Variants in PSME4 observed in about 807,000 individuals in gnomAD.
PSME4 encodes proteasome activator subunit 4, also known as proteasome activator complex subunit 4.
A neutral mutation model predicts 253.9 loss-of-function variants in PSME4; 89 were observed. The observed-to-expected ratio is 0.35, with a 90% CI of 0.30 to 0.42. The LOEUF (loss-of-function observed/expected upper bound fraction) is 0.42. Among genes scored for constraint, PSME4 ranks in the 10% least tolerant of loss-of-function variants. The pLI is 1.00. For synonymous variants in PSME4, 851 were observed against 759.2 expected (o/e 1.12, Z -1.99); for missense variants, 2,014 against 2,195.2 (o/e 0.92, Z 1.65).
intron 34 of PSME4, among the ~76,000 whole-genome samples, chr2:53,894,235 A>C (rs1680039966): frequency 1.3e-5 from 2 of 152,178 alleles, no homozygotes; most frequent in Admixed American, 6.5e-5. Context: ...TCAAGGACCA[A>C]GTACATAAAC....
At chr2:53,930,132 T>C in intron 10 of PSME4, among the ~76,000 whole-genome samples, 1 of 152,174 alleles carries the variant, frequency 6.6e-6, no homozygotes. Context: ...CATTGTATTG[T>C]CAATTTGGTC....
At position 53,919,171 on chromosome 2, in the gene PSME4, T is replaced by C; in HGVS notation, c.2496A>G (p.Lys832=). ...IGSGNLLPPL[K]GEPVTNLVPS... Reference sequence around the variant, plus strand: ...CTTACAAGTTAGTAACTGGCTCTCCTTTCAACGGAGGTAGGAGGTTTCCAG... The same window carrying C: ...CTTACAAGTTAGTAACTGGCTCTCCCTTCAACGGAGGTAGGAGGTTTCCAG... The change falls in exon 20 of 47, where the codon AAA becomes AAG. Residue 832 remains lysine (K), a synonymous_variant. Transcript: ENST00000404125. The C allele has an allele frequency of 6.2e-7, 1 of 1,612,722 alleles. No homozygotes were observed. Among genetic ancestry groups the C allele is most frequent in the Non-Finnish European group, 8.5e-7 (1 of 1,179,462 alleles).
chr2:53,944,062 T>C (rs536264234), intron 3 of PSME4, among the ~76,000 whole-genome samples: 1 of 152,182 alleles, frequency 6.6e-6, no homozygotes, highest in African/African-American at 2.4e-5. Flanking sequence ...AAGTATTTTT[T>C]AAAATTGCTT....
chr2:53,964,079 T>C (rs890902351), intron 1 of PSME4, among the ~76,000 whole-genome samples: 1 of 152,194 alleles, frequency 6.6e-6, no homozygotes, highest in South Asian at 2.1e-4. Flanking sequence ...AACACACATA[T>C]GCTCATTGGC....
rs763015346 is a variant in PSME4, at chr2:53,901,565, G to GA, written c.3076-7dup. On this transcript the variant is annotated splice_region_variant and splice_polypyrimidine_tract_variant and intron_variant, in intron 27 of 46. Transcript: ENST00000404125. ...AGGAGACAGTACAAGGCACCCTGCAGAAAAAAAAATATATATATGTTTACA... is the reference window on the plus strand; with the variant it reads ...AGGAGACAGTACAAGGCACCCTGCAGAAAAAAAAAATATATATATGTTTACA... 1.9e-3 allele frequency: 2,959 copies of GA among 1,537,532 alleles called. No individual in the cohort carries two copies. Among genetic ancestry groups the GA allele is most frequent in the South Asian group, 2.3e-3 (188 of 83,432 alleles).
chr2:53,918,366 G>A (rs1042150822), intron 20 of PSME4, among the ~76,000 whole-genome samples: 1 of 151,938 alleles, frequency 6.6e-6, no homozygotes, highest in Non-Finnish European at 1.5e-5. Context: ...TTTTTAAAAT[G>A]TTTTTGAGAC....
At chr2:53,915,564 A>AT (rs1457930735) in intron 20 of PSME4, among the ~76,000 whole-genome samples, 1 of 151,434 alleles carries the variant, frequency 6.6e-6, no homozygotes, top group Non-Finnish European at 1.5e-5. Context: ...GTCTCTCTAT[A>AT]TTTTTTTTAA....
intron 3 of PSME4, among the ~76,000 whole-genome samples, chr2:53,942,578 T>C (rs1669503226): frequency 2.0e-5 from 3 of 152,070 alleles, no homozygotes; most frequent in Admixed American, 2.0e-4. Context: ...AGCTGTTTTC[T>C]CATCAATATA....
rs372440208 is a variant in PSME4 at position 53,937,739 on chromosome 2, T to C, written c.546-199A>G. Among the ~76,000 whole-genome samples, 442 of 152,262 alleles carry C rather than the reference T, an allele frequency of 2.9e-3. 3 individuals carry two copies. Among genetic ancestry groups the C allele is most frequent in the African/African-American group, 0.01 (419 of 41,544 alleles). ...CCAGTTGGGTGCAGTAGTTCATGCC[T>C]GTAATTCCAGAACTTTGGGAAGCTG... On this transcript the variant is annotated intron_variant, in intron 4 of 46. Transcript: ENST00000404125.
intron 1 of PSME4, among the ~76,000 whole-genome samples, chr2:53,959,915 T>A (rs1353036624): frequency 6.6e-6 from 1 of 152,210 alleles, no homozygotes; most frequent in African/African-American, 2.4e-5. Context: ...TCCAAGTACC[T>A]GGAAGACGAA....
At chr2:53,885,620 T>C in intron 41 of PSME4, 70 bp downstream of exon 41, 2 of 1,139,014 alleles carry the variant, frequency 1.8e-6, no homozygotes, top group Non-Finnish European at 2.6e-6. Context: ...ACTTCAACCA[T>C]CAGATGATGA....
rs199916271 is a variant in PSME4, at chr2:53,951,086, CT to C, written c.243-1804del. Among the ~76,000 whole-genome samples, 10 of 151,932 alleles carry C rather than the reference CT, an allele frequency of 6.6e-5. No individual in the cohort carries two copies. In the East Asian group the frequency reaches 7.7e-4, roughly 12 times the overall value. Reference sequence around the variant, plus strand: ...ATCAAATAAAACTTACATTTAACTTCTTTTTTTTCCCCCCAAGACACAGTCT... The same window carrying C: ...ATCAAATAAAACTTACATTTAACTTCTTTTTTTCCCCCCAAGACACAGTCT... On this transcript the variant is annotated intron_variant, in intron 1 of 46. Transcript: ENST00000404125.
intron 1 of PSME4, among the ~76,000 whole-genome samples, chr2:53,963,911 G>A (rs1670601676): frequency 6.6e-6 from 1 of 152,030 alleles, no homozygotes; most frequent in African/African-American, 2.4e-5. Flanking sequence ...CAAAAACAAT[G>A]GGGAAAGGGG....
chr2:53,958,589 G>A (rs186174980), intron 1 of PSME4, among the ~76,000 whole-genome samples: 73 of 152,126 alleles, frequency 4.8e-4, no homozygotes, highest in Non-Finnish European at 9.1e-4. Context: ...CCCAAGAGGC[G>A]CTTCCTTTAA....
chr2:53,893,235 G>C (rs1280639208), intron 35 of PSME4, among the ~76,000 whole-genome samples: 3 of 104,598 alleles, frequency 2.9e-5, no homozygotes, highest in East Asian at 7.9e-4. Context: ...TGCAGTTTTG[G>C]GTATTTTTTT....
At chr2:53,932,891 C>T (rs1006450152) in intron 8 of PSME4, 131 bp from the exon 9 acceptor site, 1 of 642,886 alleles carries the variant, frequency 1.6e-6, no homozygotes, top group Admixed American at 2.7e-5. Context: ...TAAATTCTAC[C>T]TTTAAATAAG....
At chr2:53,866,284 G>C in intron 45 of PSME4, 61 bp from the exon 46 acceptor site, 1 of 1,550,784 alleles carries the variant, frequency 6.4e-7, no homozygotes, top group East Asian at 2.3e-5. Context: ...TCATATGTAG[G>C]ATACTTTTAG....
chr2:53,888,653 T>C (rs1033221680), intron 38 of PSME4, 68 bp downstream of exon 38: 12 of 1,123,316 alleles, frequency 1.1e-5, no homozygotes, highest in Non-Finnish European at 1.3e-5. Context: ...GACCATTCAT[T>C]TCCATTTATA....
intron 31 of PSME4, among the ~76,000 whole-genome samples, chr2:53,897,353 G>A (rs1351029278): frequency 2.6e-5 from 4 of 151,900 alleles, no homozygotes; most frequent in Non-Finnish European, 5.9e-5. Flanking sequence ...ACTTCTAGTA[G>A]AGACAGGGTT....
Sources: gnomAD v4.1 joint callset for allele counts (sites outside exome capture counted in the v4.1 genomes callset) on GRCh38, gnomAD v4.1.1 for gene constraint, MANE v1.5 for transcripts, NCBI Gene and HGNC (gene_info 2026-07-23, HGNC 2026-07-21) for gene names.